Variants in FRRS1L observed in about 807,000 individuals in gnomAD.
FRRS1L encodes the protein DOMON domain-containing protein FRRS1L.
Under a neutral mutation model 28.6 loss-of-function variants are expected in FRRS1L, and 22 were observed. The ratio of observed to expected loss-of-function variants is 0.77; its 90% confidence interval spans 0.55 to 1.10. The LOEUF (loss-of-function observed/expected upper bound fraction) is 1.10, where lower values mean the gene tolerates loss of function less well. FRRS1L is among the 50% of genes least tolerant of loss of function. FRRS1L has a pLI of 0.00. For synonymous variants in FRRS1L, 158 were observed against 151.4 expected, an observed-to-expected ratio of 1.04 and a Z score of -0.32; for missense variants, 380 against 386.9, an observed-to-expected ratio of 0.98 and a Z score of 0.15.
chr9:109,139,583 C>A (rs554752848), intron 4 of FRRS1L: 44 of 152,220 alleles, frequency 2.9e-4, no homozygotes, highest in African/African-American at 1.0e-3. Context: ...TACCAAGGGG[C>A]AGAACCAATA....
chr9:109,160,083 T>A (rs764737494), intron 1 of FRRS1L, among the ~76,000 whole-genome samples: 1 of 152,210 alleles, frequency 6.6e-6, no homozygotes, highest in Non-Finnish European at 1.5e-5. Flanking sequence ...TTCTGCTATA[T>A]CTTTATTATT....
intron 2 of FRRS1L, among the ~76,000 whole-genome samples, chr9:109,148,888 C>A (rs1831295055): frequency 7.6e-6 from 1 of 131,892 alleles, no homozygotes; most frequent in Non-Finnish European, 1.7e-5. Context: ...TTAGAAGTGG[C>A]CTTGTAATCC....
chr9:109,141,177 A>C, intron 4 of FRRS1L, 166 bp downstream of exon 4: 1 of 677,912 alleles, frequency 1.5e-6, no homozygotes, highest in Non-Finnish European at 2.5e-6. Flanking sequence ...AGTCCATTAT[A>C]ATAAGTCCAT....
In FRRS1L at chr9:109,147,121, T is replaced by A; in HGVS notation, c.392A>T (p.Asp131Val). Residue 131 changes from aspartate to valine, a missense_variant, in exon 3 of 5, where the codon GAT becomes GTT. Coordinates refer to ENST00000561981, the MANE Select transcript of FRRS1L (RefSeq NM_014334.4). ...GTCTGCACTCAGCTCAAATTCTACA[T>A]CAGCCCCTATCATCCGGTAGCTGAG... ...YFLSYRMIGA[D>V]VEFELSADTD... 1 of 1,613,430 alleles carries A rather than the reference T, an allele frequency of 6.2e-7. No homozygotes were observed. Among genetic ancestry groups the A allele is most frequent in the Non-Finnish European group, 8.5e-7 (1 of 1,179,336 alleles).
chr9:109,137,444 T>TGCA lies in FRRS1L; in HGVS notation c.*8_*10dup. 1 of 1,537,606 alleles carries TGCA rather than the reference T, an allele frequency of 6.5e-7. No individual in the cohort carries two copies. The highest frequency in any genetic ancestry group is 8.8e-7 in the Non-Finnish European group (1 of 1,134,978). On this transcript the variant is annotated 3_prime_UTR_variant, in exon 5 of 5. Coordinates refer to ENST00000561981, the MANE Select transcript of FRRS1L (RefSeq NM_014334.4). ...CCCAATCCATGTAATCTGTTGGCCCTGCAGCTGTGGTTAGGGGGTTCCCAT... is the reference window on the plus strand; with the variant it reads ...CCCAATCCATGTAATCTGTTGGCCCTGCAGCAGCTGTGGTTAGGGGGTTCCCAT...
chr9:109,155,703 C>CA (rs539557102), intron 1 of FRRS1L, among the ~76,000 whole-genome samples: 1,692 of 80,758 alleles, frequency 0.021, 81 homozygotes, highest in African/African-American at 0.07. Context: ...GACTCCATCT[C>CA]AAAAAAAAAA....
Position 109,130,421 on chromosome 9 carries a change from T to C in FRRS1L, c.*7034A>G, listed in dbSNP as rs1380429389. On this transcript the variant is annotated 3_prime_UTR_variant, in exon 5 of 5. Transcript: ENST00000561981. ...CATAATCATCCAAAGATAAAAGTAT[T>C]TGTGATGGCAAATGGACAGAACAAT... The C allele has an allele frequency of 2.0e-5, 3 of 152,222 alleles. No individual in the cohort carries two copies. Among genetic ancestry groups the C allele is most frequent in the South Asian group, 2.1e-4 (1 of 4,834 alleles). The allele number at this position is 152,222 out of a possible 1,614,324, so 9.4% of individuals were successfully genotyped here. A position where few individuals can be genotyped will look rare whatever the true frequency, so the allele number is the denominator to read the frequency against.
rs1831044289 is a variant in FRRS1L, at chr9:109,130,391, A to T, written c.*7064T>A. On this transcript the variant is annotated 3_prime_UTR_variant, in exon 5 of 5. Transcript: ENST00000561981. ...GTTTAAATCTAATTAATATATTCTG[A>T]CTAACATAATCATCCAAAGATAAAA... 6.6e-6 allele frequency: 1 copy of T among 152,234 alleles called. No individual in the cohort carries two copies. Among genetic ancestry groups the T allele is most frequent in the African/African-American group, 2.4e-5 (1 of 41,464 alleles). The allele number at this position is 152,234 out of a possible 1,614,324, so 9.4% of individuals were successfully genotyped here. A position where few individuals can be genotyped will look rare whatever the true frequency, so the allele number is the denominator to read the frequency against.
At chr9:109,141,174 TATA>T (rs1831180726) in intron 4 of FRRS1L, 166 bp downstream of exon 4, 1 of 670,054 alleles carries the variant, frequency 1.5e-6, no homozygotes, top group East Asian at 2.7e-5. Context: ...ATAAGTCCAT[TATA>T]ATAAGTCCAT....
At chr9:109,162,146 T>G (rs558493789) in intron 1 of FRRS1L, among the ~76,000 whole-genome samples, 1 of 152,264 alleles carries the variant, frequency 6.6e-6, no homozygotes, top group South Asian at 2.1e-4. Context: ...TGAAACCCTG[T>G]CTCTACTAAA....
intron 1 of FRRS1L, among the ~76,000 whole-genome samples, chr9:109,153,469 C>T (rs1318996256): frequency 6.6e-6 from 1 of 152,168 alleles, no homozygotes; most frequent in East Asian, 1.9e-4. Context: ...GGAAACTCTG[C>T]CTTTGGGAGC....
intron 4 of FRRS1L, chr9:109,138,880 G>A (rs1222126167): frequency 6.6e-6 from 1 of 152,058 alleles, no homozygotes; most frequent in Non-Finnish European, 1.5e-5. Flanking sequence ...GACCTTAGGA[G>A]AATAGGTAGG....
At chr9:109,144,101 CAAG>C in intron 3 of FRRS1L, among the ~76,000 whole-genome samples, 1 of 152,228 alleles carries the variant, frequency 6.6e-6, no homozygotes, top group East Asian at 1.9e-4. Flanking sequence ...ACTTTCAATG[CAAG>C]CCAGCTTCTG....
intron 1 of FRRS1L, chr9:109,150,255 T>A (rs1831315824): frequency 6.6e-6 from 1 of 152,480 alleles, no homozygotes; most frequent in Non-Finnish European, 1.5e-5. Flanking sequence ...TCTCCCTCTG[T>A]TGCCCAGGTT....
chr9:109,167,180 C>T lies in FRRS1L; in HGVS notation c.-42G>A. ...CGCAGCCAGGCCGCTCGGGCCGCAG[C>T]GGGGGCGCCGCGGGCGCGGGCCGGG... On this transcript the variant is annotated 5_prime_UTR_variant, in exon 1 of 5. Coordinates refer to ENST00000561981, the MANE Select transcript of FRRS1L (RefSeq NM_014334.4). 8.6e-7 allele frequency: 1 copy of T among 1,156,184 alleles called. No homozygotes were observed. The highest frequency in any genetic ancestry group is 1.1e-6 in the Non-Finnish European group (1 of 942,204). The allele number at this position is 1,156,184 out of a possible 1,614,324, so 71.6% of individuals were successfully genotyped here. A position where few individuals can be genotyped will look rare whatever the true frequency, so the allele number is the denominator to read the frequency against.
At chr9:109,151,869 C>T (rs969108610) in intron 1 of FRRS1L, 1 of 152,286 alleles carries the variant, frequency 6.6e-6, no homozygotes, top group African/African-American at 2.4e-5. Context: ...TGTTAAGCAG[C>T]TTCATATATC....
chr9:109,141,520 C>T lies in FRRS1L; in HGVS notation c.532G>A (p.Val178Ile). 3 of 1,614,050 alleles carry T rather than the reference C, an allele frequency of 1.9e-6. No homozygotes were observed. Among genetic ancestry groups the T allele is most frequent in the Non-Finnish European group, 1.7e-6 (2 of 1,180,024 alleles). The stretch of plus-strand genomic sequence containing the variant: ...TGAATCTCCTTTGCCCACTGGCCTA[C>T]ATTATAGAAGTGCTGTATGCGGACC... ...GRVRIQHFYN[V>I]GQWAKEIQRN... The change falls in exon 4 of 5, where the codon GTA becomes ATA. Residue 178 changes from valine to isoleucine, a missense_variant. Val to Ile is a conservative substitution (Grantham distance 29, BLOSUM62 3). Transcript: ENST00000561981.
At chr9:109,158,308 T>C (rs150960514) in intron 1 of FRRS1L, among the ~76,000 whole-genome samples, 1 of 152,368 alleles carries the variant, frequency 6.6e-6, no homozygotes, top group African/African-American at 2.4e-5. Flanking sequence ...GTATTTCTTA[T>C]TAGCTTATCT....
At chr9:109,139,017 G>T (rs1831147710) in intron 4 of FRRS1L, 1 of 152,116 alleles carries the variant, frequency 6.6e-6, no homozygotes, top group Non-Finnish European at 1.5e-5. Flanking sequence ...TGGCAAACAT[G>T]GTGACACAGC....
Sources: gnomAD v4.1 joint callset for allele counts (sites outside exome capture counted in the v4.1 genomes callset) on GRCh38, gnomAD v4.1.1 for gene constraint, MANE v1.5 for transcripts, NCBI Gene and HGNC (gene_info 2026-07-23, HGNC 2026-07-21) for gene names.